The following ARHGEF18 variants were observed in gnomAD, a reference collection of about 807,000 sequenced individuals.
ARHGEF18 encodes the protein rho guanine nucleotide exchange factor 18.
ARHGEF18 carries 93 observed loss-of-function variants against 155.7 expected under a neutral mutation model. The ratio of observed to expected loss-of-function variants is 0.60; its 90% CI spans 0.50 to 0.71. ARHGEF18 has a LOEUF of 0.71. ARHGEF18 is among the 30% of genes least tolerant of loss of function. The probability of loss-of-function intolerance (pLI) is 0.00; values close to 1 mark genes in which losing one functional copy is unlikely to be tolerated. For missense variants in ARHGEF18, 1,593 were observed against 1,816.1 expected (o/e 0.88, Z 2.23); for synonymous variants, 742 against 753.1 (o/e 0.99, Z 0.24).
chr19:7,476,160 A>G (rs73001517), downstream of ARHGEF18, among the ~76,000 whole-genome samples: 2,314 of 152,298 alleles, frequency 0.015, 27 homozygotes, highest in Non-Finnish European at 0.022. Context: ...AAAGTTTAAA[A>G]ATTAGCTGGA....
Position 7,469,017 on chromosome 19 carries a change from T to C in ARHGEF18, c.3673T>C (p.Phe1225Leu), listed in dbSNP as rs1479666632. Residue 1225 changes from phenylalanine to leucine, a missense_variant, in exon 27 of 29, where the codon TTC becomes CTC. Transcript: ENST00000668164. ...CCAGCTGCTCAGCGCCACCAACCAG[T>C]TCCAGAGGCAGGCGGCCGTGCAGCA... ...PIQLLSATNQ[F>L]QRQAAVQQQI... 4 of 1,599,840 alleles carry C rather than the reference T, an allele frequency of 2.5e-6. No homozygotes were observed. Among genetic ancestry groups the C allele is most frequent in the South Asian group, 2.2e-5 (2 of 89,106 alleles).
intron 10 of ARHGEF18, among the ~76,000 whole-genome samples, chr19:7,417,837 G>A (rs566593139): frequency 1.6e-4 from 25 of 152,330 alleles, no homozygotes; most frequent in Admixed American, 6.5e-4. Flanking sequence ...GTGAAGGCTG[G>A]TGGTAGCTGG....
chr19:7,378,511 CT>C, intron 6 of ARHGEF18, 60 bp downstream of exon 6: 1 of 1,220,070 alleles, frequency 8.2e-7, no homozygotes, highest in East Asian at 3.2e-5. Context: ...AAAGTCAGGG[CT>C]GCGGGAGGAG....
At chr19:7,374,661 G>C (rs1256995408) in intron 3 of ARHGEF18, among the ~76,000 whole-genome samples, 3 of 149,372 alleles carry the variant, frequency 2.0e-5, no homozygotes. Flanking sequence ...CTGGGCGACA[G>C]AGCGAGACTC....
At chr19:7,393,694 C>T (rs1039605049) in intron 10 of ARHGEF18, among the ~76,000 whole-genome samples, 7 of 151,704 alleles carry the variant, frequency 4.6e-5, no homozygotes, top group Non-Finnish European at 8.8e-5. Context: ...GGCCTATCCA[C>T]ATCTGCCAAA....
intron 1 of ARHGEF18, among the ~76,000 whole-genome samples, chr19:7,362,261 AAAGG>A (rs1425597541): frequency 6.6e-6 from 1 of 151,180 alleles, no homozygotes; most frequent in African/African-American, 2.4e-5. Flanking sequence ...GAGGAAGAAG[AAAGG>A]AAGAAGGAAG....
chr19:7,419,698 C>T (rs897169134), intron 10 of ARHGEF18, among the ~76,000 whole-genome samples: 3 of 152,094 alleles, frequency 2.0e-5, no homozygotes, highest in Non-Finnish European at 2.9e-5. Context: ...CCAGACCTGC[C>T]GTCTTGAGCA....
At chr19:7,364,041 AAATG>A (rs140908881) in intron 2 of ARHGEF18, among the ~76,000 whole-genome samples, 122,905 of 148,602 alleles carry the variant, frequency 0.83, 52,947 homozygotes, top group East Asian at 0.96. Flanking sequence ...GAGGATGGAT[AAATG>A]AATGAATGAA....
intron 3 of ARHGEF18, among the ~76,000 whole-genome samples, chr19:7,375,077 G>T (rs1423731204): frequency 6.6e-6 from 1 of 152,086 alleles, no homozygotes; most frequent in Non-Finnish European, 1.5e-5. Flanking sequence ...TTCGAGATCA[G>T]CCTGGCTAAT....
chr19:7,424,986 A>G (rs978734944), intron 10 of ARHGEF18, among the ~76,000 whole-genome samples: 1 of 149,740 alleles, frequency 6.7e-6, no homozygotes, highest in South Asian at 2.1e-4. Context: ...GAGTGAGACT[A>G]CGTCTCGGGG....
intron 7 of ARHGEF18, among the ~76,000 whole-genome samples, 169 bp downstream of exon 7, chr19:7,379,335 G>T (rs1429250662): frequency 6.6e-6 from 1 of 152,122 alleles, no homozygotes; most frequent in African/African-American, 2.4e-5. Flanking sequence ...GAGGCAGGCA[G>T]ATCACCTGAG....
Position 7,466,963 on chromosome 19 carries a change from C to G in ARHGEF18, c.2950C>G (p.Leu984Val). 1 of 1,613,468 alleles carries G rather than the reference C, an allele frequency of 6.2e-7. No homozygotes were observed. The highest frequency in any genetic ancestry group is 8.5e-7 in the Non-Finnish European group (1 of 1,180,012). ...TESDPRLPTV[L>V]ESELVQRIQT... ...ATCCGATCCCCGTCTGCCCACCGTC[C>G]TGGAGTCGGAGGTAGGCGCCCGCGG... The change falls in exon 24 of 29, where the codon CTG becomes GTG. Residue 984 changes from leucine (L) to valine (V), a missense_variant. Coordinates refer to ENST00000668164, the MANE Select transcript of ARHGEF18 (RefSeq NM_001367823.1).
At position 7,469,231 on chromosome 19, in the gene ARHGEF18, C is replaced by T. The variant is rs1281334113; in HGVS notation, c.3787+100C>T. The stretch of plus-strand genomic sequence containing the variant: ...GGAAATTCGGGACACCTGTGCCATC[C>T]TCTGGAGAGGAAAACCAGAAGGCAC... On this transcript the variant is annotated intron_variant, in intron 27 of 28. Transcript: ENST00000668164. 1.3e-5 allele frequency: 18 copies of T among 1,379,216 alleles called. No individual in the cohort carries two copies. The East Asian group carries it at 4.5e-4, about 35-fold the overall frequency. The allele number at this position is 1,379,216 out of a possible 1,614,324, so 85.4% of individuals were successfully genotyped here. A position where few individuals can be genotyped will look rare whatever the true frequency, so the allele number is the denominator to read the frequency against.
At chr19:7,456,983 G>A (rs137862407) in intron 18 of ARHGEF18, among the ~76,000 whole-genome samples, 4,334 of 152,178 alleles carry the variant, frequency 0.028, 198 homozygotes, top group African/African-American at 0.094. Flanking sequence ...TGATCCTCCC[G>A]CCTTGGCCTC....
intron 10 of ARHGEF18, chr19:7,394,943 C>T: frequency 3.3e-6 from 2 of 598,642 alleles, no homozygotes; most frequent in Non-Finnish European, 4.2e-6. Flanking sequence ...CGAGCACCCT[C>T]CCACTTCGGT....
intron 10 of ARHGEF18, among the ~76,000 whole-genome samples, chr19:7,424,749 A>C (rs998173985): frequency 3.9e-5 from 6 of 152,184 alleles, no homozygotes; most frequent in Middle Eastern, 3.2e-3. Context: ...TAATCCCAGC[A>C]CTTTGGGAGG....
chr19:7,401,710 A>G (rs1019529455), intron 10 of ARHGEF18, among the ~76,000 whole-genome samples: 38 of 152,218 alleles, frequency 2.5e-4, no homozygotes, highest in African/African-American at 8.9e-4. Flanking sequence ...GAGTTAACCC[A>G]GCAATTCTGT....
Position 7,467,533 on chromosome 19 carries a change from A to G in ARHGEF18, c.3329A>G (p.Glu1110Gly). The G allele has an allele frequency of 6.9e-7, 1 of 1,444,970 alleles. No homozygotes were observed. Among genetic ancestry groups the G allele is most frequent in the South Asian group, 1.4e-5 (1 of 72,268 alleles). The allele number at this position is 1,444,970 out of a possible 1,614,324, so 89.5% of individuals were successfully genotyped here. ...CTGGAGCAGGAGCGGGCCGAGCTGG[A>G]GCGCCAGCGCCAGGCCTACCAGCAC... ...ERLEQERAEL[E>G]RQRQAYQHDL... Residue 1110 changes from glutamate (E) to glycine (G), a missense_variant, in exon 26 of 29, where the codon GAG (glutamate) becomes GGG (glycine). Transcript: ENST00000668164.
chr19:7,367,132 C>T (rs757729356), intron 2 of ARHGEF18, among the ~76,000 whole-genome samples: 1 of 152,186 alleles, frequency 6.6e-6, no homozygotes, highest in Non-Finnish European at 1.5e-5. Flanking sequence ...CCAAGCATCT[C>T]ATTTCACCTG....
Sources: gnomAD v4.1 joint callset for allele counts (sites outside exome capture counted in the v4.1 genomes callset) on GRCh38, gnomAD v4.1.1 for gene constraint, MANE v1.5 for transcripts, NCBI Gene and HGNC (gene_info 2026-07-23, HGNC 2026-07-21) for gene names.